ZFYVE1: variants seen among roughly 807,000 people sequenced by gnomAD.
The protein encoded by ZFYVE1 is zinc finger FYVE domain-containing protein 1.
In ZFYVE1, 30 loss-of-function variants were observed where a neutral mutation model predicts 74.4. The observed-to-expected ratio is 0.40, with a 90% CI of 0.30 to 0.55. ZFYVE1 has a LOEUF of 0.55. Among genes scored for constraint, ZFYVE1 ranks in the 20% least tolerant of loss-of-function variants. The pLI is 0.42. For synonymous variants in ZFYVE1, 335 were observed against 385.1 expected, an observed-to-expected ratio of 0.87 and a Z score of 1.52; for missense variants, 703 against 1,011.6, an observed-to-expected ratio of 0.69 and a Z score of 4.14.
chr14:72,980,529 A>ATGAAT (rs1567347179), intron 5 of ZFYVE1, among the ~76,000 whole-genome samples: 20 of 95,986 alleles, frequency 2.1e-4, no homozygotes, highest in Admixed American at 1.0e-3. Flanking sequence ...TCACCTGAGA[A>ATGAAT]TTAATTAATT....
At chr14:72,971,442 T>C (rs1893033525) in intron 11 of ZFYVE1, among the ~76,000 whole-genome samples, 1 of 151,906 alleles carries the variant, frequency 6.6e-6, no homozygotes, top group African/African-American at 2.4e-5. Flanking sequence ...GTTCAAACAA[T>C]CCTCCCACCT....
At position 72,998,319 on chromosome 14, in the gene ZFYVE1, C is replaced by A. The variant is rs868547445; in HGVS notation, c.484-4G>T. 9,450 of 1,220,556 alleles carry A rather than the reference C, an allele frequency of 7.7e-3. 116 individuals are homozygous for A. Among genetic ancestry groups the A allele is most frequent in the South Asian group, 0.04 (1,570 of 39,490 alleles). 75.6% of individuals were successfully genotyped at this position (1,220,556 alleles called of 1,614,324 possible). A position where few individuals can be genotyped will look rare whatever the true frequency, so the allele number is the denominator to read the frequency against. Reference sequence around the variant, plus strand: ...TAAAGTCTTCTTCATTTGTTACCTGCAAAAAAAAAAAAAAAGACCATGAAA... The same window carrying A: ...TAAAGTCTTCTTCATTTGTTACCTGAAAAAAAAAAAAAAAAGACCATGAAA... On this transcript the variant is annotated splice_polypyrimidine_tract_variant and splice_region_variant and intron_variant, in intron 2 of 11. Coordinates refer to ENST00000556143, the MANE Select transcript of ZFYVE1 (RefSeq NM_021260.4).
intron 2 of ZFYVE1, among the ~76,000 whole-genome samples, chr14:73,004,507 T>G (rs1011031909): frequency 9.9e-5 from 15 of 152,092 alleles, no homozygotes; most frequent in African/African-American, 3.6e-4. Context: ...AAACACTCCT[T>G]GCCTGCATTT....
At position 72,969,491 on chromosome 14, in the gene ZFYVE1, C is replaced by G. The variant is rs923358442; in HGVS notation, c.*1391G>C. 5.4e-6 allele frequency: 3 copies of G among 553,558 alleles called. No homozygotes were observed. In the African/African-American group the frequency reaches 5.7e-5, roughly 11 times the overall value. 34.3% of individuals were successfully genotyped at this position (553,558 alleles called of 1,614,324 possible). A position where few individuals can be genotyped will look rare whatever the true frequency, so the allele number is the denominator to read the frequency against. ...TTATGATGGCGAATTGGATGGTACA[C>G]AGTTCTAGAGTAGGGTCCCAGTCAC... On this transcript the variant is annotated 3_prime_UTR_variant, in exon 12 of 12. Coordinates refer to ENST00000556143, the MANE Select transcript of ZFYVE1 (RefSeq NM_021260.4).
intron 2 of ZFYVE1, among the ~76,000 whole-genome samples, chr14:73,021,147 C>T (rs1473680515): frequency 2.6e-5 from 4 of 152,000 alleles, no homozygotes. Flanking sequence ...GAGTTCAAGA[C>T]CAGCCTGACC....
At chr14:73,001,966 A>C (rs1567357484) in intron 2 of ZFYVE1, among the ~76,000 whole-genome samples, 1 of 152,170 alleles carries the variant, frequency 6.6e-6, no homozygotes, top group Non-Finnish European at 1.5e-5. Flanking sequence ...AAGAAAAAGA[A>C]AAAGAAAGAA....
At chr14:72,997,764 C>T (rs1469955040) in intron 3 of ZFYVE1, 47 bp downstream of exon 3, 23 of 1,532,428 alleles carry the variant, frequency 1.5e-5, no homozygotes, top group Non-Finnish European at 2.0e-5. Context: ...TAGCTGCCTC[C>T]TTGTACCCAT....
chr14:73,012,295 C>T (rs1417322285), intron 2 of ZFYVE1, among the ~76,000 whole-genome samples: 6 of 152,036 alleles, frequency 3.9e-5, no homozygotes, highest in Admixed American at 3.9e-4. Flanking sequence ...ACAAACTAAA[C>T]CCATGAGTCA....
chr14:73,015,640 T>A (rs1212991090), intron 2 of ZFYVE1, among the ~76,000 whole-genome samples: 1 of 152,064 alleles, frequency 6.6e-6, no homozygotes, highest in African/African-American at 2.4e-5. Flanking sequence ...CGCCTCAGCC[T>A]CCCAAAGCGC....
At position 73,008,989 on chromosome 14, in the gene ZFYVE1, A is replaced by C. The variant is rs576740337; in HGVS notation, c.484-10674T>G. On this transcript the variant is annotated intron_variant, in intron 2 of 11. Coordinates refer to ENST00000556143, the MANE Select transcript of ZFYVE1 (RefSeq NM_021260.4). ...CATTTTCCCACTCTTCCAGCGCTAA[A>C]CACCCCAACTAGAATGTACTCCAGG... Among the ~76,000 whole-genome samples, 5 of 152,278 alleles carry C rather than the reference A, an allele frequency of 3.3e-5. No homozygotes were observed. In the South Asian group the frequency reaches 1.0e-3, roughly 32 times the overall value.
At chr14:73,013,775 C>T (rs1894138050) in intron 2 of ZFYVE1, among the ~76,000 whole-genome samples, 2 of 146,490 alleles carry the variant, frequency 1.4e-5, no homozygotes, top group South Asian at 4.5e-4. Context: ...TTCATGGTCT[C>T]CCCACATCTT....
intron 2 of ZFYVE1, among the ~76,000 whole-genome samples, chr14:73,002,171 T>C (rs76671977): frequency 0.07 from 10,575 of 152,014 alleles, 529 homozygotes; most frequent in South Asian, 0.19. Context: ...GGAGCCACAA[T>C]CAAAAGACCA....
rs940468025 is a variant in ZFYVE1 at position 72,975,048 on chromosome 14, C to T, written c.1807-89G>A. On this transcript the variant is annotated intron_variant, in intron 9 of 11. Transcript: ENST00000556143. The surrounding 1 kb of genome is among the most constrained non-coding windows in gnomAD (Gnocchi z 4.1). Reference sequence around the variant, plus strand: ...AAAGTCAACAAGACCCCGGAGCAAGCAGAAACTAAGGCAGGTGGCGTTAGC... The same window carrying T: ...AAAGTCAACAAGACCCCGGAGCAAGTAGAAACTAAGGCAGGTGGCGTTAGC... The T allele has an allele frequency of 2.8e-6, 4 of 1,429,964 alleles. No individual in the cohort carries two copies. The Admixed American group carries it at 8.7e-5, about 31-fold the overall frequency. The allele number at this position is 1,429,964 out of a possible 1,614,324, so 88.6% of individuals were successfully genotyped here.
At chr14:72,972,561 C>A (rs982743062) in intron 11 of ZFYVE1, among the ~76,000 whole-genome samples, 1 of 152,202 alleles carries the variant, frequency 6.6e-6, no homozygotes, top group Non-Finnish European at 1.5e-5. Flanking sequence ...CACTTTTGCT[C>A]GCTCCCCTAC....
intron 5 of ZFYVE1, among the ~76,000 whole-genome samples, chr14:72,980,632 A>G (rs562534775): frequency 1.3e-5 from 2 of 152,032 alleles, no homozygotes. Context: ...CAGTGGCGCA[A>G]TCTCAGCTCA....
chr14:73,001,503 G>A (rs1469297538), intron 2 of ZFYVE1, among the ~76,000 whole-genome samples: 1 of 152,062 alleles, frequency 6.6e-6, no homozygotes, highest in African/African-American at 2.4e-5. Context: ...CTCATCTAAA[G>A]ATGAGAAATG....
intron 5 of ZFYVE1, among the ~76,000 whole-genome samples, chr14:72,979,952 G>A (rs1893279178): frequency 6.6e-6 from 1 of 152,150 alleles, no homozygotes; most frequent in Non-Finnish European, 1.5e-5. Flanking sequence ...ACAGAGATCA[G>A]GACTTTAGAA....
intron 2 of ZFYVE1, among the ~76,000 whole-genome samples, chr14:73,004,742 A>G (rs965908876): frequency 6.6e-6 from 1 of 152,126 alleles, no homozygotes; most frequent in Non-Finnish European, 1.5e-5. Context: ...TCACACCTGT[A>G]ATCCCAGCAC....
At chr14:72,978,077 G>C (rs1215980988) in intron 7 of ZFYVE1, 33 bp from the exon 8 acceptor site, 1 of 1,613,762 alleles carries the variant, frequency 6.2e-7, no homozygotes, top group East Asian at 2.2e-5. Context: ...CTGTTACCCA[G>C]CCAGGTGCCT....
Sources: gnomAD v4.1 joint callset for allele counts (sites outside exome capture counted in the v4.1 genomes callset) on GRCh38, gnomAD v4.1.1 for gene constraint, Gnocchi (gnomAD v3.1) non-coding constraint, MANE v1.5 for transcripts, NCBI Gene and HGNC (gene_info 2026-07-23, HGNC 2026-07-21) for gene names.